SNAP25: variants seen among roughly 807,000 people sequenced by gnomAD.
SNAP25 encodes the protein synaptosomal-associated protein 25.
Under a neutral mutation model 28.7 loss-of-function variants are expected in SNAP25, and 3 were observed. The ratio of observed to expected loss-of-function variants is 0.10; its 90% CI spans 0.05 to 0.27. The LOEUF (loss-of-function observed/expected upper bound fraction) is 0.27, where lower values mean the gene tolerates loss of function less well. Ranked by LOEUF, SNAP25 falls within the 10% of genes least tolerant of loss-of-function variation. The pLI is 1.00. For missense variants in SNAP25, 117 were observed against 278.7 expected (o/e 0.42, Z 4.13); for synonymous variants, 61 against 88.1 (o/e 0.69, Z 1.72).
chr20:10,230,467 C>G (rs994981226), intron 1 of SNAP25, among the ~76,000 whole-genome samples: 1 of 152,160 alleles, frequency 6.6e-6, no homozygotes, highest in African/African-American at 2.4e-5. Flanking sequence ...ATTCATTACT[C>G]TAGGACACTT....
In SNAP25 at chr20:10,293,031, C is replaced by A; in HGVS notation, c.164-130C>A. 1 of 1,451,316 alleles carries A rather than the reference C, an allele frequency of 6.9e-7. No individual in the cohort carries two copies. The highest frequency in any genetic ancestry group is 9.4e-7 in the Non-Finnish European group (1 of 1,062,916). 89.9% of individuals were successfully genotyped at this position (1,451,316 alleles called of 1,614,324 possible). The stretch of plus-strand genomic sequence containing the variant: ...ACTGGGTACCAGCTCTAATCTGTGG[C>A]GTCCAGTTTTCTTTCTTTTTTTTTT... On this transcript the variant is annotated intron_variant, in intron 4 of 7. Transcript: ENST00000254976. The surrounding 1 kb of genome is among the most constrained non-coding windows in gnomAD (Gnocchi z 5.6).
chr20:10,262,357 T>G (rs1256817351), intron 1 of SNAP25, among the ~76,000 whole-genome samples: 1 of 152,144 alleles, frequency 6.6e-6, no homozygotes, highest in Non-Finnish European at 1.5e-5. Context: ...GACTCTGTAG[T>G]TTCAAGTTAC....
At chr20:10,252,972 G>T (rs553300386) in intron 1 of SNAP25, among the ~76,000 whole-genome samples, 1 of 152,176 alleles carries the variant, frequency 6.6e-6, no homozygotes, top group South Asian at 2.1e-4. Context: ...TATTACTAGG[G>T]TTAAATAAAA....
At chr20:10,224,103 C>T (rs184187514) in intron 1 of SNAP25, among the ~76,000 whole-genome samples, 1 of 152,004 alleles carries the variant, frequency 6.6e-6, no homozygotes, top group South Asian at 2.1e-4. Flanking sequence ...AACTGATGCA[C>T]AGCAAGGGTA....
intron 1 of SNAP25, among the ~76,000 whole-genome samples, chr20:10,261,602 CTACTT>C (rs1250214549): frequency 6.6e-6 from 1 of 152,094 alleles, no homozygotes; most frequent in African/African-American, 2.4e-5. Context: ...AATTGTGTAT[CTACTT>C]TAATGTATAT....
chr20:10,301,984 A>G (rs1453690413), intron 7 of SNAP25, among the ~76,000 whole-genome samples: 1 of 151,072 alleles, frequency 6.6e-6, no homozygotes, highest in Non-Finnish European at 1.5e-5. Context: ...TAATTTTTTC[A>G]GAAAACTTAC....
chr20:10,292,200 C>G (rs1344155469), intron 4 of SNAP25, among the ~76,000 whole-genome samples: 1 of 152,206 alleles, frequency 6.6e-6, no homozygotes, highest in Non-Finnish European at 1.5e-5. Flanking sequence ...CCTTCCAAAA[C>G]ATTCATAGCA....
At chr20:10,240,188 A>G (rs2062999829) in intron 1 of SNAP25, among the ~76,000 whole-genome samples, 2 of 152,044 alleles carry the variant, frequency 1.3e-5, no homozygotes, top group Admixed American at 6.5e-5. Flanking sequence ...GCTGTCATCC[A>G]GGAATCATGC....
intron 7 of SNAP25, among the ~76,000 whole-genome samples, chr20:10,304,287 G>C (rs2064304069): frequency 6.6e-6 from 1 of 152,130 alleles, no homozygotes; most frequent in Non-Finnish European, 1.5e-5. Context: ...TGTTAATCTT[G>C]ATGTTGTCAA....
chr20:10,232,368 C>T (rs1481196146), intron 1 of SNAP25, among the ~76,000 whole-genome samples: 1 of 152,202 alleles, frequency 6.6e-6, no homozygotes, highest in African/African-American at 2.4e-5. Flanking sequence ...ATGCTGGAAC[C>T]ACACAGTTCA....
intron 1 of SNAP25, among the ~76,000 whole-genome samples, chr20:10,265,985 A>G (rs2063500159): frequency 6.6e-6 from 1 of 152,138 alleles, no homozygotes; most frequent in Non-Finnish European, 1.5e-5. Context: ...TTTCTATATA[A>G]TCCCCCTAGT....
chr20:10,303,850 A>G (rs2064295693), intron 7 of SNAP25, among the ~76,000 whole-genome samples: 1 of 152,220 alleles, frequency 6.6e-6, no homozygotes, highest in Non-Finnish European at 1.5e-5. Flanking sequence ...CCCAAGCAGT[A>G]AAGAGATCAA....
chr20:10,300,832 G>T (rs1247261252), intron 7 of SNAP25, among the ~76,000 whole-genome samples: 2 of 152,126 alleles, frequency 1.3e-5, no homozygotes, highest in African/African-American at 4.8e-5. Context: ...ATATGATAAA[G>T]CTTTTAAAGC....
At chr20:10,253,223 T>C (rs900321659) in intron 1 of SNAP25, among the ~76,000 whole-genome samples, 1 of 151,908 alleles carries the variant, frequency 6.6e-6, no homozygotes, top group Non-Finnish European at 1.5e-5. Flanking sequence ...CCGCAAGGAG[T>C]AGATGAGAGC....
In SNAP25 at chr20:10,235,450, C is replaced by G. The variant is rs2062901829; in HGVS notation, c.-64+16473C>G. Among the ~76,000 whole-genome samples, 3 of 152,140 alleles carry G rather than the reference C, an allele frequency of 2.0e-5. No individual in the cohort carries two copies. In the South Asian group the frequency reaches 6.2e-4, roughly 32 times the overall value. ...GAGAATATCTGCTATTTTGAGATAT[C>G]TGCAACAACTGTAAAATGATATGAA... On this transcript the variant is annotated intron_variant, in intron 1 of 7. Coordinates refer to ENST00000254976, the MANE Select transcript of SNAP25 (RefSeq NM_130811.4).
At chr20:10,278,779 C>G (rs781740302) in intron 3 of SNAP25, among the ~76,000 whole-genome samples, 1 of 152,058 alleles carries the variant, frequency 6.6e-6, no homozygotes, top group Non-Finnish European at 1.5e-5. Context: ...GCCTCTCACA[C>G]TCTAGGAGCC....
At chr20:10,276,984 T>C (rs1434638382) in intron 2 of SNAP25, among the ~76,000 whole-genome samples, 1 of 152,190 alleles carries the variant, frequency 6.6e-6, no homozygotes. Context: ...TCAAAATAAG[T>C]TTGTCAGTTA....
At chr20:10,247,880 T>C (rs1447241474) in intron 1 of SNAP25, among the ~76,000 whole-genome samples, 1 of 152,236 alleles carries the variant, frequency 6.6e-6, no homozygotes, top group Non-Finnish European at 1.5e-5. Flanking sequence ...ATTTAGCTCA[T>C]GATTCCATAA....
intron 1 of SNAP25, among the ~76,000 whole-genome samples, chr20:10,262,885 C>A (rs2122901004): frequency 6.6e-6 from 1 of 152,152 alleles, no homozygotes; most frequent in South Asian, 2.1e-4. Flanking sequence ...TTGTACTCCT[C>A]TGCCAGTCAG....
Sources: gnomAD v4.1 joint callset for allele counts (sites outside exome capture counted in the v4.1 genomes callset) on GRCh38, gnomAD v4.1.1 for gene constraint, Gnocchi (gnomAD v3.1) non-coding constraint, MANE v1.5 for transcripts, NCBI Gene and HGNC (gene_info 2026-07-23, HGNC 2026-07-21) for gene names.